The following AGTPBP1 variants were observed in gnomAD, a reference collection of about 807,000 sequenced individuals.
The protein encoded by AGTPBP1 is cytosolic carboxypeptidase 1.
A neutral mutation model predicts 143.9 loss-of-function variants in AGTPBP1; 70 were observed. That is an observed-to-expected ratio of 0.49 (90% confidence interval 0.40 to 0.59). The LOEUF (loss-of-function observed/expected upper bound fraction) is 0.59. Among genes scored for constraint, AGTPBP1 ranks in the 20% least tolerant of loss-of-function variants. AGTPBP1 has a pLI of 0.00. For synonymous variants in AGTPBP1, 463 were observed against 500.2 expected, an observed-to-expected ratio of 0.93 and a Z score of 0.99; for missense variants, 1,229 against 1,464.5, an observed-to-expected ratio of 0.84 and a Z score of 2.62.
the AGTPBP1 span, among the ~76,000 whole-genome samples, chr9:85,786,987 T>C: frequency 1.3e-5 from 2 of 152,102 alleles, no homozygotes; most frequent in African/African-American, 4.8e-5. Flanking sequence ...ACAAGTATAT[T>C]GTTATTTTTT....
intron 13 of AGTPBP1, among the ~76,000 whole-genome samples, chr9:85,637,284 C>T (rs1189954504): frequency 6.6e-6 from 1 of 151,920 alleles, no homozygotes; most frequent in African/African-American, 2.4e-5. Context: ...CTCAGGTGAT[C>T]CACCCGCTTC....
At position 85,642,905 on chromosome 9, in the gene AGTPBP1, G is replaced by A; in HGVS notation, c.1224C>T (p.Pro408=). 1.2e-6 allele frequency: 2 copies of A among 1,613,244 alleles called. No homozygotes were observed. The highest frequency in any genetic ancestry group is 2.2e-5 in the South Asian group (2 of 90,958). ...DIETDINKLK[P]QQEPGRTIED... ...CTATTGTTCGTCCCGGTTCTTGCTG[G>A]GGTTTTAGTTTGTTAATATCTGTTT... The change falls in exon 13 of 26, where the codon CCC becomes CCT. Residue 408 remains proline (P), a synonymous_variant. Transcript: ENST00000357081.
chr9:85,695,072 T>G (rs1310873883), intron 2 of AGTPBP1, among the ~76,000 whole-genome samples: 2 of 152,206 alleles, frequency 1.3e-5, no homozygotes, highest in Non-Finnish European at 2.9e-5. Flanking sequence ...CTTCCCTTCT[T>G]GGTGCCCAAT....
chr9:85,672,094 G>A (rs189534276), intron 7 of AGTPBP1, among the ~76,000 whole-genome samples: 9 of 151,124 alleles, frequency 6.0e-5, no homozygotes, highest in East Asian at 5.8e-4. Flanking sequence ...TGGTTGAGAC[G>A]GAGTCTTGCT....
chr9:85,739,966 G>A (rs571152779), intron 1 of AGTPBP1, among the ~76,000 whole-genome samples: 13 of 151,302 alleles, frequency 8.6e-5, no homozygotes, highest in African/African-American at 3.2e-4. Context: ...TCGCACCACT[G>A]GCACTCTAGC....
chr9:85,741,897 C>A lies in AGTPBP1; in HGVS notation c.-156G>T. On this transcript the variant is annotated 5_prime_UTR_variant, in exon 1 of 26. Transcript: ENST00000357081. Reference sequence around the variant, plus strand: ...TTTTCATACAAACCCCGGTGGCAGGCGAGGCGGAGGCGGCGGCGGCGGCAG... The same window carrying A: ...TTTTCATACAAACCCCGGTGGCAGGAGAGGCGGAGGCGGCGGCGGCGGCAG... 2 of 1,354,964 alleles carry A rather than the reference C, an allele frequency of 1.5e-6. No homozygotes were observed. The highest frequency in any genetic ancestry group is 6.2e-5 in the East Asian group (2 of 32,184). The allele number at this position is 1,354,964 out of a possible 1,614,324, so 83.9% of individuals were successfully genotyped here.
At chr9:85,657,152 C>T (rs1380881488) in intron 10 of AGTPBP1, among the ~76,000 whole-genome samples, 1 of 141,292 alleles carries the variant, frequency 7.1e-6, no homozygotes, top group Non-Finnish European at 1.5e-5. Context: ...GCACAATGTG[C>T]ACATGTACCC....
chr9:85,791,721 TA>T, the AGTPBP1 span, among the ~76,000 whole-genome samples: 5 of 152,156 alleles, frequency 3.3e-5, no homozygotes, highest in Admixed American at 6.6e-5. Context: ...ACTTTGCCAT[TA>T]AAAAATAACT....
At chr9:85,711,377 C>CT (rs1433973619) in intron 2 of AGTPBP1, among the ~76,000 whole-genome samples, 1 of 151,702 alleles carries the variant, frequency 6.6e-6, no homozygotes, top group Non-Finnish European at 1.5e-5. Context: ...TATTTAAGAA[C>CT]TTTAACAGAG....
chr9:85,741,558 G>A, intron 1 of AGTPBP1: 1 of 985,448 alleles, frequency 1.0e-6, no homozygotes, highest in Non-Finnish European at 1.2e-6. Context: ...TCCAGACCCA[G>A]TCAAAGCCCC....
intron 1 of AGTPBP1, 41 bp downstream of exon 1, chr9:85,741,734 G>A (rs953863250): frequency 4.7e-6 from 6 of 1,282,008 alleles, no homozygotes; most frequent in African/African-American, 4.7e-5. Context: ...AGAGCAGAGG[G>A]ACGGCCGGCC....
At chr9:85,652,720 G>T (rs1833245140) in intron 11 of AGTPBP1, among the ~76,000 whole-genome samples, 1 of 152,102 alleles carries the variant, frequency 6.6e-6, no homozygotes, top group South Asian at 2.1e-4. Flanking sequence ...TGAGTTCTGT[G>T]AGCCATTCTA....
chr9:85,576,986 T>C (rs1000860374), intron 24 of AGTPBP1, among the ~76,000 whole-genome samples: 1 of 152,066 alleles, frequency 6.6e-6, no homozygotes, highest in African/African-American at 2.4e-5. Context: ...AAAGTTTATA[T>C]ATTTATATAT....
the AGTPBP1 span, among the ~76,000 whole-genome samples, chr9:85,794,966 T>C: frequency 1.3e-5 from 2 of 152,224 alleles, no homozygotes; most frequent in Non-Finnish European, 2.9e-5. Context: ...TTTTTATATA[T>C]TGATCACTAT....
In AGTPBP1 at chr9:85,741,940, G is replaced by A. The variant is rs1824341240; in HGVS notation, c.-199C>T. 1.5e-6 allele frequency: 2 copies of A among 1,308,560 alleles called. No homozygotes were observed. Among genetic ancestry groups the A allele is most frequent in the African/African-American group, 1.5e-5 (1 of 64,736 alleles). The allele number at this position is 1,308,560 out of a possible 1,614,324, so 81.1% of individuals were successfully genotyped here. On this transcript the variant is annotated 5_prime_UTR_variant, in exon 1 of 26. Transcript: ENST00000357081. ...GGCGGCAGCTGCGGCGGCGGCGCTGGAGGCGGCGGAACCTGTCCGCATCCC... is the reference window on the plus strand; with the variant it reads ...GGCGGCAGCTGCGGCGGCGGCGCTGAAGGCGGCGGAACCTGTCCGCATCCC...
intron 13 of AGTPBP1, among the ~76,000 whole-genome samples, chr9:85,640,940 T>C (rs577201242): frequency 6.6e-6 from 1 of 152,274 alleles, no homozygotes; most frequent in South Asian, 2.1e-4. Context: ...AAGTATTAAA[T>C]GGAAAAGTAC....
rs536009061 is a variant in AGTPBP1 at position 85,638,676 on chromosome 9, T to C, written c.1302+4151A>G. Among the ~76,000 whole-genome samples the C allele has an allele frequency of 1.4e-4, 21 of 152,048 alleles. 1 individual carries two copies. The East Asian group carries it at 4.0e-3, about 29-fold the overall frequency. ...ATATTTTTTAAAGTACTTTTTGTCTTAGAATCTTAGAGGTAAAGATAGTAA... is the reference window on the plus strand; with the variant it reads ...ATATTTTTTAAAGTACTTTTTGTCTCAGAATCTTAGAGGTAAAGATAGTAA... On this transcript the variant is annotated intron_variant, in intron 13 of 25. Coordinates refer to ENST00000357081, the MANE Select transcript of AGTPBP1 (RefSeq NM_001330701.2).
the AGTPBP1 span, among the ~76,000 whole-genome samples, chr9:85,794,631 T>A: frequency 3.9e-5 from 6 of 152,104 alleles, no homozygotes; most frequent in Admixed American, 3.3e-4. Context: ...TTATTTGGGG[T>A]CCCTTAAGTT....
chr9:85,636,264 T>TC (rs1360132381), intron 13 of AGTPBP1, among the ~76,000 whole-genome samples: 2 of 125,994 alleles, frequency 1.6e-5, no homozygotes, highest in Non-Finnish European at 3.3e-5. Context: ...GGTTTCTTTT[T>TC]TTTTTTTTTT....
Sources: gnomAD v4.1 joint callset for allele counts (sites outside exome capture counted in the v4.1 genomes callset) on GRCh38, gnomAD v4.1.1 for gene constraint, MANE v1.5 for transcripts, NCBI Gene and HGNC (gene_info 2026-07-23, HGNC 2026-07-21) for gene names.